Variants in CCDC85A observed in about 807,000 individuals in gnomAD.
CCDC85A encodes the protein coiled-coil domain-containing protein 85A.
CCDC85A carries 38 observed loss-of-function variants against 50.2 expected under a neutral mutation model. The ratio of observed to expected loss-of-function variants is 0.76; its 90% CI spans 0.58 to 0.99. The LOEUF (loss-of-function observed/expected upper bound fraction) is 0.99. Among genes scored for constraint, CCDC85A ranks in the 50% least tolerant of loss-of-function variants. The pLI, the probability that CCDC85A is intolerant of heterozygous loss-of-function variation, is 0.00. For missense variants in CCDC85A, 820 were observed against 742.0 expected (o/e 1.11, Z -1.22); for synonymous variants, 366 against 301.4 (o/e 1.21, Z -2.22).
rs1015899030 is a variant in CCDC85A at position 56,241,684 on chromosome 2, T to A, written c.1240+48244T>A. Among the ~76,000 whole-genome samples the A allele has an allele frequency of 2.0e-5, 3 of 152,210 alleles. No homozygotes were observed. The East Asian group carries it at 5.8e-4, about 29-fold the overall frequency. On this transcript the variant is annotated intron_variant, in intron 2 of 5. Transcript: ENST00000407595. ...GATCTCATTCTTTATGATGGCTGAA[T>A]AGTACTCCATGGTATATACCACATT...
At chr2:56,290,267 G>T (rs1433775269) in intron 2 of CCDC85A, among the ~76,000 whole-genome samples, 1 of 152,048 alleles carries the variant, frequency 6.6e-6, no homozygotes, top group Admixed American at 6.6e-5. Context: ...AAATGATAGA[G>T]GTGTAACATT....
intron 2 of CCDC85A, among the ~76,000 whole-genome samples, chr2:56,294,805 A>G (rs187430444): frequency 2.6e-5 from 4 of 152,346 alleles, no homozygotes; most frequent in East Asian, 1.9e-4. Flanking sequence ...TTAAGTCACT[A>G]TAAGTCTTGG....
At chr2:56,305,858 C>T (rs1199199996) in intron 2 of CCDC85A, among the ~76,000 whole-genome samples, 1 of 152,206 alleles carries the variant, frequency 6.6e-6, no homozygotes, top group African/African-American at 2.4e-5. Flanking sequence ...ATTTAATAAT[C>T]AAGTTCTCCT....
intron 2 of CCDC85A, among the ~76,000 whole-genome samples, chr2:56,340,217 C>T (rs1674286327): frequency 6.6e-6 from 1 of 152,116 alleles, no homozygotes; most frequent in Non-Finnish European, 1.5e-5. Flanking sequence ...AGTGTTAGCT[C>T]ATTGCTTTAG....
At chr2:56,373,669 G>A (rs1422517743) in intron 4 of CCDC85A, among the ~76,000 whole-genome samples, 1 of 152,230 alleles carries the variant, frequency 6.6e-6, no homozygotes, top group African/African-American at 2.4e-5. Flanking sequence ...GTAGCTCAGA[G>A]TGGGAAGGTT....
At chr2:56,302,710 C>T (rs1243382229) in intron 2 of CCDC85A, among the ~76,000 whole-genome samples, 1 of 152,184 alleles carries the variant, frequency 6.6e-6, no homozygotes, top group African/African-American at 2.4e-5. Context: ...CAACATAAAG[C>T]TCATTTTTAC....
chr2:56,383,147 G>T (rs1676668922), intron 5 of CCDC85A, among the ~76,000 whole-genome samples: 2 of 151,902 alleles, frequency 1.3e-5, no homozygotes, highest in Admixed American at 6.6e-5. Flanking sequence ...AGTTTCTTTG[G>T]CTTAGAAATG....
At chr2:56,362,302 T>A (rs2104371027) in intron 3 of CCDC85A, among the ~76,000 whole-genome samples, 1 of 152,208 alleles carries the variant, frequency 6.6e-6, no homozygotes, top group Admixed American at 6.5e-5. Context: ...AAGTTCTATT[T>A]TGGACATAGT....
At chr2:56,234,326 G>T (rs1269009471) in intron 2 of CCDC85A, among the ~76,000 whole-genome samples, 3 of 152,114 alleles carry the variant, frequency 2.0e-5, no homozygotes, top group East Asian at 1.9e-4. Context: ...GGAGAGCAGG[G>T]TCTCTTTGGA....
At chr2:56,241,518 A>C (rs543381607) in intron 2 of CCDC85A, among the ~76,000 whole-genome samples, 2 of 151,044 alleles carry the variant, frequency 1.3e-5, no homozygotes, top group South Asian at 2.1e-4. Flanking sequence ...CCATTGTTCT[A>C]TTCTGTGTCT....
At chr2:56,203,072 G>A (rs1037406080) in intron 2 of CCDC85A, among the ~76,000 whole-genome samples, 1 of 152,190 alleles carries the variant, frequency 6.6e-6, no homozygotes, top group Admixed American at 6.5e-5. Flanking sequence ...TGTGTGTGTT[G>A]TTAATGGTCT....
At chr2:56,206,650 T>C (rs1404145980) in intron 2 of CCDC85A, among the ~76,000 whole-genome samples, 2 of 152,206 alleles carry the variant, frequency 1.3e-5, no homozygotes, top group Non-Finnish European at 2.9e-5. Context: ...AGAACCCTCA[T>C]GACCTAATCA....
At chr2:56,254,910 A>G (rs1669916117) in intron 2 of CCDC85A, among the ~76,000 whole-genome samples, 1 of 152,170 alleles carries the variant, frequency 6.6e-6, no homozygotes, top group South Asian at 2.1e-4. Context: ...ATATGTGAAG[A>G]ACACATGAAC....
At chr2:56,344,580 A>G (rs189027758) in intron 3 of CCDC85A, among the ~76,000 whole-genome samples, 6 of 152,342 alleles carry the variant, frequency 3.9e-5, no homozygotes, top group Non-Finnish European at 8.8e-5. Context: ...ATTCATGATG[A>G]CAGAAGAGAT....
intron 2 of CCDC85A, among the ~76,000 whole-genome samples, chr2:56,249,242 A>T (rs1163515145): frequency 1.3e-5 from 2 of 152,240 alleles, no homozygotes; most frequent in African/African-American, 4.8e-5. Flanking sequence ...GCCAGACATG[A>T]GCTCTGCCTT....
Position 56,301,044 on chromosome 2 carries a change from C to T in CCDC85A, c.1241-41835C>T, listed in dbSNP as rs1018340190. On this transcript the variant is annotated intron_variant, in intron 2 of 5. Coordinates refer to ENST00000407595, the MANE Select transcript of CCDC85A (RefSeq NM_001080433.2). The stretch of plus-strand genomic sequence containing the variant: ...AGAGTGATATTACACTTCCTTTTTG[C>T]AATCTTTCCAAGCTGCAAATAAAAT... 4.6e-5 allele frequency among the ~76,000 whole-genome samples: 7 copies of T among 152,204 alleles called. No homozygotes were observed. The South Asian group carries it at 8.3e-4, about 18-fold the overall frequency.
chr2:56,295,858 G>T (rs1671925198), intron 2 of CCDC85A, among the ~76,000 whole-genome samples: 2 of 152,198 alleles, frequency 1.3e-5, no homozygotes, highest in South Asian at 2.1e-4. Context: ...AAGGTGAGTT[G>T]CAGAGCCACC....
intron 2 of CCDC85A, among the ~76,000 whole-genome samples, chr2:56,300,821 C>G (rs1672168138): frequency 6.6e-6 from 1 of 152,308 alleles, no homozygotes; most frequent in South Asian, 2.1e-4. Flanking sequence ...GGGAACAGTG[C>G]TTTTACTGAA....
intron 2 of CCDC85A, among the ~76,000 whole-genome samples, chr2:56,208,469 G>A (rs1336674244): frequency 1.3e-5 from 2 of 152,100 alleles, no homozygotes; most frequent in African/African-American, 2.4e-5. Context: ...TAGTGGTATA[G>A]GTTACAACAC....
Sources: allele counts gnomAD v4.1 joint callset (sites outside exome capture counted in the v4.1 genomes callset), GRCh38; gene constraint gnomAD v4.1.1; transcripts MANE v1.5; gene names NCBI Gene and HGNC (gene_info 2026-07-23, HGNC 2026-07-21).